USP53: variants seen among roughly 807,000 people sequenced by gnomAD.
USP53 encodes ubiquitin carboxyl-terminal hydrolase 53.
In USP53, 71 loss-of-function variants were observed where a neutral mutation model predicts 94.9. The ratio of observed to expected loss-of-function variants is 0.75; its 90% CI spans 0.62 to 0.91. The LOEUF is 0.91. Ranked by LOEUF, USP53 falls within the 40% of genes least tolerant of loss-of-function variation. The probability of loss-of-function intolerance (pLI) is 0.00; values close to 1 mark genes in which losing one functional copy is unlikely to be tolerated. For synonymous variants in USP53, 375 were observed against 422.7 expected, an observed-to-expected ratio of 0.89 and a Z score of 1.39; for missense variants, 1,173 against 1,281.0, an observed-to-expected ratio of 0.92 and a Z score of 1.29.
chr4:119,213,740 T>C (rs1424155124), intron 1 of USP53, among the ~76,000 whole-genome samples: 1 of 150,922 alleles, frequency 6.6e-6, no homozygotes, highest in Non-Finnish European at 1.5e-5. Flanking sequence ...GTAGGTTTAA[T>C]AGTAAACTTA....
chr4:119,291,027 T>C (rs1578586769), intron 17 of USP53, 138 bp from the exon 18 acceptor site: 5 of 515,086 alleles, frequency 9.7e-6, no homozygotes, highest in Non-Finnish European at 1.7e-5. Flanking sequence ...AAAGAATTCA[T>C]TTTTTTAAAT....
intron 13 of USP53, among the ~76,000 whole-genome samples, chr4:119,268,039 C>T (rs34585914): frequency 0.28 from 42,476 of 151,662 alleles, 6,143 homozygotes; most frequent in East Asian, 0.38. Context: ...CGGTGGCGGG[C>T]GCCTGTAGTC....
chr4:119,274,754 A>G (rs1470785313), intron 17 of USP53, among the ~76,000 whole-genome samples: 10 of 142,650 alleles, frequency 7.0e-5, no homozygotes, highest in Admixed American at 2.2e-4. Flanking sequence ...CCTCTCCAGC[A>G]CCTGTTGTTT....
intron 3 of USP53, among the ~76,000 whole-genome samples, chr4:119,223,683 G>A (rs957414733): frequency 6.6e-6 from 1 of 152,110 alleles, no homozygotes; most frequent in Non-Finnish European, 1.5e-5. Context: ...TGCTACCAGG[G>A]TAATCTTAAA....
At chr4:119,235,171 G>A (rs567502924) in intron 3 of USP53, 119 bp from the exon 4 acceptor site, 1 of 152,268 alleles carries the variant, frequency 6.6e-6, no homozygotes, top group South Asian at 2.1e-4. Context: ...CAGCGCTTCT[G>A]TAATGGCTAT....
Position 119,267,394 on chromosome 4 carries a change from A to C in USP53, c.1047A>C (p.Ala349=). Residue 349 remains alanine, a synonymous_variant, in exon 13 of 19, where the codon GCA becomes GCC. Transcript: ENST00000692078. The stretch of plus-strand genomic sequence containing the variant: ...TTCAGCCACTACTTTTGTTTTATGC[A>C]AACCCAGATGGCACAGCAGTTTCTA... ...CHFQPLLLFY[A]NPDGTAVSTE... The C allele has an allele frequency of 6.2e-7, 1 of 1,614,098 alleles. No homozygotes were observed.
intron 9 of USP53, among the ~76,000 whole-genome samples, chr4:119,257,998 A>G (rs1345375238): frequency 6.6e-6 from 1 of 152,204 alleles, no homozygotes; most frequent in East Asian, 1.9e-4. Flanking sequence ...GCAGGAGTGC[A>G]CGCTTTGAAT....
intron 12 of USP53, among the ~76,000 whole-genome samples, chr4:119,267,113 C>T (rs1387806187): frequency 6.6e-6 from 1 of 151,882 alleles, no homozygotes; most frequent in African/African-American, 2.4e-5. Context: ...TAATCTTTGC[C>T]CGTCAAATTT....
intron 3 of USP53, among the ~76,000 whole-genome samples, chr4:119,232,002 G>T (rs907867056): frequency 6.6e-6 from 1 of 152,098 alleles, no homozygotes; most frequent in South Asian, 2.1e-4. Flanking sequence ...TATCAGTGTG[G>T]TAGAAAGCCT....
intron 5 of USP53, among the ~76,000 whole-genome samples, chr4:119,243,861 A>G (rs192092097): frequency 0.014 from 1,086 of 77,808 alleles, 12 homozygotes; most frequent in African/African-American, 0.043. Context: ...ATTTAATACT[A>G]TACTATTTAA....
intron 17 of USP53, among the ~76,000 whole-genome samples, chr4:119,280,349 C>A (rs1753373185): frequency 6.6e-6 from 1 of 151,796 alleles, no homozygotes; most frequent in Non-Finnish European, 1.5e-5. Flanking sequence ...GAGTATCTGT[C>A]TATGGTGGCT....
rs1561267738 is a variant in USP53 at position 119,256,358 on chromosome 4, AG to A, written c.486+1del. The A allele has an allele frequency of 6.2e-7, 1 of 1,613,716 alleles. No homozygotes were observed. Among genetic ancestry groups the A allele is most frequent in the South Asian group, 1.1e-5 (1 of 91,070 alleles). ...AAGTTTGCTATGACTCTGTATGAAC[AG>A]GTGAGATGGCTTGATTATTATTTAG... ...HQKFAMTLYE[Q>X]CVCRSCGASS... On this transcript the variant is annotated frameshift_variant and splice_region_variant, in exon 8 of 19. Coordinates refer to ENST00000692078, the MANE Select transcript of USP53 (RefSeq NM_001371395.1). LOFTEE classifies it high-confidence loss of function.
At chr4:119,261,619 A>G (rs533491708) in intron 11 of USP53, 96 bp from the exon 12 acceptor site, 3 of 1,002,932 alleles carry the variant, frequency 3.0e-6, no homozygotes, top group Admixed American at 5.1e-5. Context: ...TGCATGAGAA[A>G]TATTTCATTA....
At chr4:119,230,216 C>CATAT (rs1418856353) in intron 3 of USP53, among the ~76,000 whole-genome samples, 1 of 152,138 alleles carries the variant, frequency 6.6e-6, no homozygotes, top group South Asian at 2.1e-4. Flanking sequence ...TTCAATTATA[C>CATAT]ATATATACAC....
intron 3 of USP53, among the ~76,000 whole-genome samples, chr4:119,225,457 C>G (rs1422723738): frequency 2.0e-5 from 3 of 151,932 alleles, no homozygotes; most frequent in Admixed American, 6.5e-5. Flanking sequence ...GATTATAACT[C>G]TAATAACAGC....
At position 119,260,646 on chromosome 4, in the gene USP53, T is replaced by A; in HGVS notation, c.815T>A (p.Leu272His). 6.2e-7 allele frequency: 1 copy of A among 1,613,152 alleles called. No homozygotes were observed. Among genetic ancestry groups the A allele is most frequent in the Non-Finnish European group, 8.5e-7 (1 of 1,179,522 alleles). The change falls in exon 11 of 19, where the codon CTT becomes CAT. Residue 272 changes from leucine to histidine, a missense_variant. Transcript: ENST00000692078. ...CGGAATCTAGCAACACATCTTTATC[T>A]TCCTGGGGTATCTTATCTATTTTCA... ...VVRNLATHLY[L>H]PGLFYRVTDE... is the part of the protein sequence containing the mutation.
At chr4:119,233,256 C>G (rs1401891044) in intron 3 of USP53, among the ~76,000 whole-genome samples, 1 of 143,520 alleles carries the variant, frequency 7.0e-6, no homozygotes, top group Non-Finnish European at 1.5e-5. Context: ...TTTATTTTTT[C>G]TATTGTTTGA....
At chr4:119,240,116 A>G (rs1445612326) in intron 5 of USP53, among the ~76,000 whole-genome samples, 2 of 152,198 alleles carry the variant, frequency 1.3e-5, no homozygotes, top group Non-Finnish European at 1.5e-5. Context: ...ATGTATCACT[A>G]TGATATAAAT....
At chr4:119,230,865 G>A (rs1745969753) in intron 3 of USP53, among the ~76,000 whole-genome samples, 1 of 152,134 alleles carries the variant, frequency 6.6e-6, no homozygotes, top group Admixed American at 6.5e-5. Flanking sequence ...GGGGTCCAGG[G>A]TATTACCTAG....
Sources: allele counts gnomAD v4.1 joint callset (sites outside exome capture counted in the v4.1 genomes callset), GRCh38; gene constraint gnomAD v4.1.1; transcripts MANE v1.5; gene names NCBI Gene and HGNC (gene_info 2026-07-23, HGNC 2026-07-21).